The following MIPEP variants were observed in gnomAD, a reference collection of about 807,000 sequenced individuals.
MIPEP encodes the protein mitochondrial intermediate peptidase.
Under a neutral mutation model 90.3 loss-of-function variants are expected in MIPEP, and 79 were observed. The ratio of observed to expected loss-of-function variants is 0.87; its 90% confidence interval spans 0.73 to 1.05. MIPEP has a LOEUF of 1.05. MIPEP is among the 50% of genes least tolerant of loss of function. MIPEP has a pLI of 0.00. For missense variants in MIPEP, 940 were observed against 905.6 expected, an observed-to-expected ratio of 1.04 and a Z score of -0.49; for synonymous variants, 334 against 315.8, an observed-to-expected ratio of 1.06 and a Z score of -0.61.
intron 16 of MIPEP, among the ~76,000 whole-genome samples, chr13:23,770,306 C>T (rs1952634691): frequency 6.6e-6 from 1 of 152,112 alleles, no homozygotes; most frequent in African/African-American, 2.4e-5. Flanking sequence ...GATCCTAGCT[C>T]TCTCCTCTCT....
chr13:23,781,406 G>A (rs9507159), intron 16 of MIPEP, among the ~76,000 whole-genome samples: 106,121 of 151,568 alleles, frequency 0.7, 39,641 homozygotes, highest in Non-Finnish European at 0.83. Context: ...GCAAATGCTG[G>A]GAGATTTTGT....
chr13:23,818,895 A>T (rs1953273871), intron 14 of MIPEP, among the ~76,000 whole-genome samples: 1 of 152,234 alleles, frequency 6.6e-6, no homozygotes, highest in Non-Finnish European at 1.5e-5. Flanking sequence ...CCCTTACCTG[A>T]AATTCCATAA....
intron 14 of MIPEP, among the ~76,000 whole-genome samples, chr13:23,827,924 C>G (rs188709643): frequency 6.6e-6 from 1 of 152,266 alleles, no homozygotes; most frequent in East Asian, 1.9e-4. Flanking sequence ...GAGGGAGACT[C>G]TGTCTCAAAA....
rs574575253 is a variant in MIPEP at position 23,839,730 on chromosome 13, G to GA, written c.1261-5dup. 2.2e-4 allele frequency: 354 copies of GA among 1,591,256 alleles called. No individual in the cohort carries two copies. Among genetic ancestry groups the GA allele is most frequent in the Non-Finnish European group, 2.4e-4 (277 of 1,169,834 alleles). On this transcript the variant is annotated splice_region_variant and splice_polypyrimidine_tract_variant and intron_variant, in intron 11 of 18. Coordinates refer to ENST00000382172, the MANE Select transcript of MIPEP (RefSeq NM_005932.4). ...CTTCAGATTCATGAACAACAGCCTA[G>GA]AAAAAAAAATTTAAATTTGGTGGTA...
At chr13:23,740,110 G>C (rs1311201544) in intron 18 of MIPEP, among the ~76,000 whole-genome samples, 1 of 152,174 alleles carries the variant, frequency 6.6e-6, no homozygotes, top group African/African-American at 2.4e-5. Context: ...CACTGGAGGA[G>C]TGAACCACCA....
At chr13:23,779,471 G>C (rs184704773) in intron 16 of MIPEP, among the ~76,000 whole-genome samples, 53 of 152,172 alleles carry the variant, frequency 3.5e-4, no homozygotes, top group Admixed American at 2.1e-3. Context: ...AGGTGTATGG[G>C]GGGGGCAGTT....
At chr13:23,730,689 A>G (rs114723135) in intron 18 of MIPEP, among the ~76,000 whole-genome samples, 1,913 of 152,312 alleles carry the variant, frequency 0.013, 43 homozygotes, top group African/African-American at 0.043. Flanking sequence ...AGGCCTAAAT[A>G]TATTTCCTAA....
intron 10 of MIPEP, among the ~76,000 whole-genome samples, chr13:23,841,952 A>G (rs902732014): frequency 1.3e-4 from 20 of 152,230 alleles, no homozygotes; most frequent in African/African-American, 4.8e-4. Flanking sequence ...GTTCTCATCC[A>G]GTAAAATATT....
intron 14 of MIPEP, among the ~76,000 whole-genome samples, chr13:23,825,058 G>A (rs890253049): frequency 1.3e-5 from 2 of 152,134 alleles, no homozygotes; most frequent in Non-Finnish European, 2.9e-5. Context: ...CAGGTATGGA[G>A]GCTTGCTAAA....
chr13:23,828,594 C>T (rs959872165), intron 14 of MIPEP, among the ~76,000 whole-genome samples: 22 of 152,118 alleles, frequency 1.4e-4, no homozygotes, highest in African/African-American at 5.1e-4. Context: ...GCATCCAGGA[C>T]GAAGCCCAAC....
chr13:23,734,276 C>G (rs906587258), intron 18 of MIPEP, among the ~76,000 whole-genome samples: 6 of 152,106 alleles, frequency 3.9e-5, no homozygotes, highest in African/African-American at 1.4e-4. Context: ...TTCTCTTTTC[C>G]TTCTTGCTTA....
chr13:23,786,069 A>C (rs1952835936), intron 16 of MIPEP, among the ~76,000 whole-genome samples: 1 of 151,570 alleles, frequency 6.6e-6, no homozygotes, highest in Non-Finnish European at 1.5e-5. Context: ...AAACAGTAAT[A>C]AAAAAAAATT....
At chr13:23,791,341 T>A (rs1185737305) in intron 16 of MIPEP, among the ~76,000 whole-genome samples, 3 of 152,138 alleles carry the variant, frequency 2.0e-5, no homozygotes, top group Admixed American at 1.3e-4. Flanking sequence ...TGGCCTGCAA[T>A]CATAACTCAC....
chr13:23,842,233 A>C (rs1207673201), intron 10 of MIPEP: 1 of 152,132 alleles, frequency 6.6e-6, no homozygotes, highest in Non-Finnish European at 1.5e-5. Context: ...TTATATGTCT[A>C]CTTTTTAGGA....
At chr13:23,796,078 T>C (rs891290321) in intron 16 of MIPEP, among the ~76,000 whole-genome samples, 3 of 152,190 alleles carry the variant, frequency 2.0e-5, no homozygotes, top group Non-Finnish European at 2.9e-5. Flanking sequence ...TGTGTGTGTA[T>C]ATGTATATAC....
In MIPEP at chr13:23,844,681, C is replaced by CAT. The variant is rs147704747; in HGVS notation, c.1107-3195_1107-3194dup. Among the ~76,000 whole-genome samples, 648 of 152,088 alleles carry CAT rather than the reference C, an allele frequency of 4.3e-3. 2 individuals carry two copies. Among genetic ancestry groups the CAT allele is most frequent in the African/African-American group, 0.015 (621 of 41,484 alleles). ...CTACCCTTCTTAAGATTATAATGAA[C>CAT]ATTTATTTTTATGGAAAAGAAACAC... On this transcript the variant is annotated intron_variant, in intron 10 of 18. Transcript: ENST00000382172.
intron 10 of MIPEP, among the ~76,000 whole-genome samples, chr13:23,851,410 C>A (rs1195744383): frequency 6.6e-6 from 1 of 152,194 alleles, no homozygotes; most frequent in Admixed American, 6.5e-5. Context: ...ACTCATTTGT[C>A]ACTAGTTCAG....
At chr13:23,746,363 G>T (rs1952383531) in intron 18 of MIPEP, among the ~76,000 whole-genome samples, 1 of 151,882 alleles carries the variant, frequency 6.6e-6, no homozygotes, top group East Asian at 2.0e-4. Context: ...GCAGAGTGCA[G>T]TGGTTCACGC....
At chr13:23,819,817 T>C (rs1432391606) in intron 14 of MIPEP, among the ~76,000 whole-genome samples, 1 of 152,108 alleles carries the variant, frequency 6.6e-6, no homozygotes, top group Non-Finnish European at 1.5e-5. Context: ...AAGACCAGCC[T>C]GGCCAACATG....
Sources: gnomAD v4.1 joint callset for allele counts (sites outside exome capture counted in the v4.1 genomes callset) on GRCh38, gnomAD v4.1.1 for gene constraint, MANE v1.5 for transcripts, NCBI Gene and HGNC (gene_info 2026-07-23, HGNC 2026-07-21) for gene names.